TNIK: variants seen among roughly 807,000 people sequenced by gnomAD.
TNIK encodes TRAF2 and NCK-interacting protein kinase.
TNIK carries 49 observed loss-of-function variants against 191.3 expected under a neutral mutation model. The ratio of observed to expected loss-of-function variants is 0.26; its 90% CI spans 0.20 to 0.32. The LOEUF is 0.32. TNIK is among the 10% of genes least tolerant of loss of function. The pLI, the probability that TNIK is intolerant of heterozygous loss-of-function variation, is 1.00. For missense variants in TNIK, 1,155 were observed against 1,702.3 expected, an observed-to-expected ratio of 0.68 and a Z score of 5.66; for synonymous variants, 594 against 600.9, an observed-to-expected ratio of 0.99 and a Z score of 0.17.
At chr3:171,265,426 C>T (rs1045976796) in intron 2 of TNIK, among the ~76,000 whole-genome samples, 1 of 152,180 alleles carries the variant, frequency 6.6e-6, no homozygotes, top group Non-Finnish European at 1.5e-5. Context: ...GCTAGAAGAG[C>T]CTTCTCAGTG....
chr3:171,240,727 CTT>C (rs34887700), intron 2 of TNIK, among the ~76,000 whole-genome samples: 2 of 152,176 alleles, frequency 1.3e-5, no homozygotes, highest in Non-Finnish European at 2.9e-5. Flanking sequence ...CTCCAATAGT[CTT>C]TTTCTGGCTG....
intron 2 of TNIK, among the ~76,000 whole-genome samples, chr3:171,354,868 A>T (rs1480538492): frequency 6.6e-6 from 1 of 152,198 alleles, no homozygotes; most frequent in Non-Finnish European, 1.5e-5. Flanking sequence ...CATCAACTTA[A>T]TCAGGTAGCC....
At chr3:171,247,004 G>A (rs149712783) in intron 2 of TNIK, among the ~76,000 whole-genome samples, 2 of 152,376 alleles carry the variant, frequency 1.3e-5, no homozygotes, top group East Asian at 3.9e-4. Context: ...CAATGTATGA[G>A]GAAGGGCTTA....
At chr3:171,157,408 G>A (rs1733339174) in intron 12 of TNIK, 52 bp downstream of exon 12, 5 of 1,539,598 alleles carry the variant, frequency 3.2e-6, no homozygotes, top group Non-Finnish European at 4.4e-6. Context: ...TGCTTGGAGA[G>A]TGACCACAAC....
intron 1 of TNIK, among the ~76,000 whole-genome samples, chr3:171,394,651 T>C (rs1294449159): frequency 6.6e-6 from 1 of 152,216 alleles, no homozygotes; most frequent in East Asian, 1.9e-4. Flanking sequence ...ACCTAGCTTT[T>C]AGAGATCATC....
intron 2 of TNIK, among the ~76,000 whole-genome samples, chr3:171,228,733 A>C (rs1743250796): frequency 6.6e-6 from 1 of 152,226 alleles, no homozygotes; most frequent in South Asian, 2.1e-4. Flanking sequence ...ATCAATCCAA[A>C]TTTGTGATCA....
intron 2 of TNIK, among the ~76,000 whole-genome samples, chr3:171,288,924 GA>G (rs11307705): frequency 0.022 from 3,287 of 150,920 alleles, 46 homozygotes; most frequent in Middle Eastern, 0.038. Flanking sequence ...AAATCTTTTT[GA>G]AAAAAAACAT....
Position 171,066,467 on chromosome 3 carries a change from ATTTTTTT to A in TNIK, c.3859+102_3859+108del, listed in dbSNP as rs145832204. ...CAAGTCTTACAAGAGTTATTCACAG[ATTTTTTT>A]TTTTTTTTTTTTGTGGAATCAAATG... On this transcript the variant is annotated intron_variant, in intron 31 of 32. Coordinates refer to ENST00000436636, the MANE Select transcript of TNIK (RefSeq NM_015028.4). 4.6e-6 allele frequency: 6 copies of A among 1,312,142 alleles called. No individual in the cohort carries two copies. In the South Asian group the frequency reaches 7.2e-5, roughly 16 times the overall value. The allele number at this position is 1,312,142 out of a possible 1,614,324, so 81.3% of individuals were successfully genotyped here. A position where few individuals can be genotyped will look rare whatever the true frequency, so the allele number is the denominator to read the frequency against.
chr3:171,280,587 T>G (rs2109250487), intron 2 of TNIK, among the ~76,000 whole-genome samples: 1 of 152,204 alleles, frequency 6.6e-6, no homozygotes, highest in East Asian at 1.9e-4. Flanking sequence ...GTTCCTTTTG[T>G]TATTCCTGTT....
At chr3:171,393,450 C>T (rs536651175) in intron 1 of TNIK, among the ~76,000 whole-genome samples, 1 of 152,306 alleles carries the variant, frequency 6.6e-6, no homozygotes, top group South Asian at 2.1e-4. Context: ...TCTAAATTAT[C>T]CCTCGATATT....
chr3:171,182,923 A>C (rs1004832845), intron 7 of TNIK, among the ~76,000 whole-genome samples: 1 of 152,234 alleles, frequency 6.6e-6, no homozygotes, highest in Non-Finnish European at 1.5e-5. Flanking sequence ...CAACAGGAAA[A>C]GAACACATGT....
chr3:171,445,631 T>G (rs1727401010), intron 1 of TNIK, among the ~76,000 whole-genome samples: 1 of 152,106 alleles, frequency 6.6e-6, no homozygotes, highest in Admixed American at 6.6e-5. Context: ...AGGTCCTTGC[T>G]CCAAACACCA....
chr3:171,125,738 G>C (rs1270128710), intron 17 of TNIK, among the ~76,000 whole-genome samples, 174 bp downstream of exon 17: 1 of 152,076 alleles, frequency 6.6e-6, no homozygotes, highest in African/African-American at 2.4e-5. Flanking sequence ...GGTCAGACAT[G>C]GTAAATGGCA....
chr3:171,343,910 C>G (rs1300184026), intron 2 of TNIK, among the ~76,000 whole-genome samples: 2 of 152,140 alleles, frequency 1.3e-5, no homozygotes, highest in Non-Finnish European at 2.9e-5. Context: ...AGGGGGAGTT[C>G]CTTCCTCATA....
At chr3:171,337,207 T>C (rs1021077392) in intron 2 of TNIK, among the ~76,000 whole-genome samples, 2 of 152,148 alleles carry the variant, frequency 1.3e-5, no homozygotes, top group South Asian at 4.1e-4. Flanking sequence ...TCCATGGCAA[T>C]CTCATGCCAG....
intron 28 of TNIK, 22 bp from the exon 29 acceptor site, chr3:171,071,345 T>TTATTACATATTTAACTGTAATA: frequency 6.7e-7 from 1 of 1,491,348 alleles, no homozygotes; most frequent in Admixed American, 2.0e-5. Flanking sequence ...AAATTATGAG[T>TTATTACATATTTAACTGTAATA]GAAAAAGTAC....
intron 18 of TNIK, among the ~76,000 whole-genome samples, chr3:171,117,540 T>G (rs540557561): frequency 6.0e-5 from 5 of 82,684 alleles, no homozygotes; most frequent in Non-Finnish European, 1.3e-4. Flanking sequence ...CCAGAGATGT[T>G]CATTAAATAC....
chr3:171,180,922 A>T (rs557972764), intron 7 of TNIK, among the ~76,000 whole-genome samples: 21 of 152,332 alleles, frequency 1.4e-4, no homozygotes, highest in African/African-American at 4.8e-4. Flanking sequence ...AAAGGTACTG[A>T]GATTCAGTGA....
intron 1 of TNIK, among the ~76,000 whole-genome samples, chr3:171,378,432 G>A (rs1050662696): frequency 6.6e-6 from 1 of 152,082 alleles, no homozygotes; most frequent in African/African-American, 2.4e-5. Context: ...TGGATTACTT[G>A]ATATAATAAT....
Sources: gnomAD v4.1 joint callset for allele counts (sites outside exome capture counted in the v4.1 genomes callset) on GRCh38, gnomAD v4.1.1 for gene constraint, MANE v1.5 for transcripts, NCBI Gene and HGNC (gene_info 2026-07-23, HGNC 2026-07-21) for gene names.